Variants in RAB28 observed in about 807,000 individuals in gnomAD.
RAB28 encodes the protein ras-related protein Rab-28.
RAB28 carries 24 observed loss-of-function variants against 31.7 expected under a neutral mutation model. That is an observed-to-expected ratio of 0.76 (90% CI 0.55 to 1.06). The LOEUF (loss-of-function observed/expected upper bound fraction) is 1.06. Ranked by LOEUF, RAB28 falls within the 50% of genes least tolerant of loss-of-function variation. The pLI, the probability that RAB28 is intolerant of heterozygous loss-of-function variation, is 0.00. For synonymous variants in RAB28, 100 were observed against 90.4 expected, an observed-to-expected ratio of 1.11 and a Z score of -0.60; for missense variants, 254 against 258.5, an observed-to-expected ratio of 0.98 and a Z score of 0.12.
chr4:13,423,950 C>A (rs1197626935), intron 4 of RAB28, among the ~76,000 whole-genome samples: 1 of 150,746 alleles, frequency 6.6e-6, no homozygotes, highest in African/African-American at 2.4e-5. Context: ...CTTGGAGGTA[C>A]AAAAGGTTAA....
At chr4:13,451,994 T>C (rs1714994150) in intron 4 of RAB28, among the ~76,000 whole-genome samples, 1 of 151,944 alleles carries the variant, frequency 6.6e-6, no homozygotes, top group Non-Finnish European at 1.5e-5. Flanking sequence ...ACTACTGCTT[T>C]GTAGTATGTT....
chr4:13,424,439 G>A (rs954386665), intron 4 of RAB28, among the ~76,000 whole-genome samples: 1 of 152,154 alleles, frequency 6.6e-6, no homozygotes, highest in African/African-American at 2.4e-5. Context: ...CAGCCAAAAT[G>A]TCTCTCTTCT....
chr4:13,404,134 T>G (rs1350334902), intron 4 of RAB28, among the ~76,000 whole-genome samples: 2 of 152,220 alleles, frequency 1.3e-5, no homozygotes, highest in Non-Finnish European at 2.9e-5. Context: ...ATCCCAGCAC[T>G]GTGGGAGGCC....
At chr4:13,463,429 T>C (rs1006094220) in intron 3 of RAB28, among the ~76,000 whole-genome samples, 1 of 152,198 alleles carries the variant, frequency 6.6e-6, no homozygotes, top group Non-Finnish European at 1.5e-5. Flanking sequence ...TATCTGTAGA[T>C]AAACTTTTAC....
At chr4:13,427,493 G>A (rs1713570669) in intron 4 of RAB28, among the ~76,000 whole-genome samples, 1 of 152,198 alleles carries the variant, frequency 6.6e-6, no homozygotes, top group Non-Finnish European at 1.5e-5. Context: ...AGGAGAGTAT[G>A]TATGAGCTTG....
intron 4 of RAB28, among the ~76,000 whole-genome samples, chr4:13,396,133 A>C (rs954099297): frequency 1.3e-5 from 2 of 152,094 alleles, no homozygotes; most frequent in Non-Finnish European, 2.9e-5. Flanking sequence ...TAAAAGAAGT[A>C]AAAGCAAACT....
In RAB28 at chr4:13,371,644, G is replaced by C. The variant is rs145810267; in HGVS notation, c.574-2994C>G. On this transcript the variant is annotated intron_variant, in intron 6 of 6. Coordinates refer to ENST00000330852, the MANE Select transcript of RAB28 (RefSeq NM_001017979.3). ...TTTCCGAACTGTAAGCCATAACCAA[G>C]GCTCTGCAGATTCCAAATTTCACTT... 2.5e-4 allele frequency: 244 copies of C among 985,172 alleles called. 1 individual carries two copies. The African/African-American group carries it at 3.9e-3, about 16-fold the overall frequency. 61.0% of individuals were successfully genotyped at this position (985,172 alleles called of 1,614,324 possible).
At chr4:13,370,337 C>A (rs1277247998) in intron 6 of RAB28, 1 of 952,200 alleles carries the variant, frequency 1.1e-6, no homozygotes, top group African/African-American at 1.8e-5. Flanking sequence ...TGAGGTTTTT[C>A]TATGTTAAAG....
chr4:13,387,370 A>T (rs1729417992), intron 4 of RAB28, among the ~76,000 whole-genome samples: 2 of 152,088 alleles, frequency 1.3e-5, no homozygotes, highest in South Asian at 2.1e-4. Flanking sequence ...CATTAAATTT[A>T]ATTATAAATT....
At chr4:13,439,133 A>G (rs1714280467) in intron 4 of RAB28, among the ~76,000 whole-genome samples, 1 of 152,116 alleles carries the variant, frequency 6.6e-6, no homozygotes, top group Admixed American at 6.6e-5. Context: ...ATTTGTCTTT[A>G]TATTGTTGAG....
At chr4:13,445,088 T>C (rs1365922727) in intron 4 of RAB28, among the ~76,000 whole-genome samples, 1 of 152,066 alleles carries the variant, frequency 6.6e-6, no homozygotes, top group Non-Finnish European at 1.5e-5. Flanking sequence ...TTTTTTCTTT[T>C]TTCTCTAATC....
chr4:13,404,351 C>T (rs1711950055), intron 4 of RAB28, among the ~76,000 whole-genome samples: 2 of 152,114 alleles, frequency 1.3e-5, no homozygotes, highest in South Asian at 4.2e-4. Context: ...GCACTCCAGC[C>T]TGGGCAACAA....
intron 4 of RAB28, among the ~76,000 whole-genome samples, chr4:13,437,338 T>C (rs73229695): frequency 0.014 from 2,092 of 151,960 alleles, 24 homozygotes; most frequent in Middle Eastern, 0.044. Flanking sequence ...AAAAAGCAAG[T>C]GCAACAAAAA....
At chr4:13,441,327 G>A (rs1455744857) in intron 4 of RAB28, among the ~76,000 whole-genome samples, 1 of 152,028 alleles carries the variant, frequency 6.6e-6, no homozygotes, top group African/African-American at 2.4e-5. Context: ...AGAATCACTC[G>A]ATTTAGCCTA....
chr4:13,402,024 G>A (rs1711793818), intron 4 of RAB28, among the ~76,000 whole-genome samples: 1 of 152,074 alleles, frequency 6.6e-6, no homozygotes, highest in African/African-American at 2.4e-5. Flanking sequence ...CTGTTTAGGA[G>A]GTGTTCAAAT....
Position 13,368,023 on chromosome 4 carries a change from A to C in RAB28, c.*535T>G, listed in dbSNP as rs1728574655. ...AAAAATGAAAAAATATTTCTATTAC[A>C]GGCTTATTTCAAGCATTTTCAGTTA... is the stretch of plus-strand genomic sequence containing the variant. On this transcript the variant is annotated 3_prime_UTR_variant, in exon 7 of 7. Coordinates refer to ENST00000330852, the MANE Select transcript of RAB28 (RefSeq NM_001017979.3). 15 of 972,370 alleles carry C rather than the reference A, an allele frequency of 1.5e-5. No homozygotes were observed. Among genetic ancestry groups the C allele is most frequent in the Non-Finnish European group, 1.7e-5 (14 of 818,126 alleles). The allele number at this position is 972,370 out of a possible 1,614,324, so 60.2% of individuals were successfully genotyped here.
chr4:13,386,585 A>C (rs760622221), intron 4 of RAB28, among the ~76,000 whole-genome samples: 2 of 151,568 alleles, frequency 1.3e-5, no homozygotes, highest in Admixed American at 6.6e-5. Flanking sequence ...GAATGGAAAA[A>C]CCCAAAAAAT....
intron 4 of RAB28, among the ~76,000 whole-genome samples, chr4:13,391,174 T>C (rs1577165915): frequency 1.3e-5 from 2 of 151,962 alleles, no homozygotes; most frequent in South Asian, 2.1e-4. Context: ...AGGACTAATA[T>C]CCAGAATCTA....
intron 1 of RAB28, among the ~76,000 whole-genome samples, chr4:13,483,582 A>C (rs538904426): frequency 6.6e-6 from 1 of 152,264 alleles, no homozygotes; most frequent in South Asian, 2.1e-4. Flanking sequence ...TGAAGCTTAA[A>C]CTGATTAGCA....
Sources: allele counts gnomAD v4.1 joint callset (sites outside exome capture counted in the v4.1 genomes callset), GRCh38; gene constraint gnomAD v4.1.1; transcripts MANE v1.5; gene names NCBI Gene and HGNC (gene_info 2026-07-23, HGNC 2026-07-21).